The following ASB13 variants were observed in gnomAD, a reference collection of about 807,000 sequenced individuals.
The protein encoded by ASB13 is ankyrin repeat and SOCS box containing 13.
A neutral mutation model predicts 28.8 loss-of-function variants in ASB13; 33 were observed. The ratio of observed to expected loss-of-function variants is 1.15; its 90% confidence interval spans 0.87 to 1.53. ASB13 has a LOEUF of 1.53. Ranked by LOEUF, ASB13 falls within the 40% of genes most tolerant of loss-of-function variation. The pLI is 0.00. For synonymous variants in ASB13, 182 were observed against 172.9 expected (o/e 1.05, Z -0.41); for missense variants, 414 against 390.1 (o/e 1.06, Z -0.52).
rs1834851651 is a variant in ASB13, at chr10:5,644,394, G to A, written c.518-2433C>T. Among the ~76,000 whole-genome samples the A allele has an allele frequency of 6.6e-6, 1 of 152,188 alleles. No individual in the cohort carries two copies. Among genetic ancestry groups the A allele is most frequent in the South Asian group, 2.1e-4 (1 of 4,832 alleles). ...ATCTGTGGTCCCACCTACTCTGGAGGCTGAGGTAGGAGGATCACTTGAGCC... is the reference window on the plus strand; with the variant it reads ...ATCTGTGGTCCCACCTACTCTGGAGACTGAGGTAGGAGGATCACTTGAGCC... On this transcript the variant is annotated intron_variant, in intron 4 of 5. Coordinates refer to ENST00000357700, the MANE Select transcript of ASB13 (RefSeq NM_024701.4). The surrounding 1 kb of genome is among the most constrained non-coding windows in gnomAD (Gnocchi z 5.1).
At chr10:5,653,256 C>T (rs544914036) in intron 1 of ASB13, among the ~76,000 whole-genome samples, 7 of 152,322 alleles carry the variant, frequency 4.6e-5, no homozygotes, top group South Asian at 2.1e-4. Context: ...CAAGGGGCTC[C>T]GTCCTGTGGA....
intron 1 of ASB13, among the ~76,000 whole-genome samples, chr10:5,662,929 C>T (rs1056315609): frequency 1.3e-5 from 2 of 152,002 alleles, no homozygotes; most frequent in African/African-American, 2.4e-5. Context: ...GTCCTTGAAA[C>T]CCAAGGAAAA....
rs11257282 is a variant in ASB13 at position 5,656,522 on chromosome 10, G to A, written c.44-3472C>T. On this transcript the variant is annotated intron_variant, in intron 1 of 5. Coordinates refer to ENST00000357700, the MANE Select transcript of ASB13 (RefSeq NM_024701.4). This position sits in a 1 kb window ranked among gnomAD's most constrained non-coding sequence, Gnocchi z 4.3. ...CCATTGCATTCCAGCCTGGGCAACC[G>A]AGCAAGACTCCGTCTCAAGAAAAAA... Among the ~76,000 whole-genome samples the A allele has an allele frequency of 0.096, 14,240 of 147,906 alleles. 1,090 individuals carry two copies. Among genetic ancestry groups the A allele is most frequent in the East Asian group, 0.43 (2,200 of 5,082 alleles).
Position 5,650,206 on chromosome 10 carries a change from A to G in ASB13, c.382+1007T>C, listed in dbSNP as rs1834962882. On this transcript the variant is annotated intron_variant, in intron 3 of 5. Coordinates refer to ENST00000357700, the MANE Select transcript of ASB13 (RefSeq NM_024701.4). This position sits in a 1 kb window ranked among gnomAD's most constrained non-coding sequence, Gnocchi z 6.0. ...CCCACTCCACCAGCCTACTCTGAGC[A>G]CTGGGCACCTTGATCTCAGCGATGG... Among the ~76,000 whole-genome samples the G allele has an allele frequency of 6.6e-6, 1 of 152,128 alleles. No homozygotes were observed. The highest frequency in any genetic ancestry group is 1.5e-5 in the Non-Finnish European group (1 of 68,020).
In ASB13 at chr10:5,658,221, C is replaced by CA. The variant is rs1835101271; in HGVS notation, c.44-5172dup. Among the ~76,000 whole-genome samples the CA allele has an allele frequency of 6.6e-6, 1 of 152,024 alleles. No individual in the cohort carries two copies. Among genetic ancestry groups the CA allele is most frequent in the African/African-American group, 2.4e-5 (1 of 41,378 alleles). ...CAGTGGCTCAAAACTCTAATCCCAGCACTTTGGGAGGCCGAGGCAGGCAAT... is the reference window on the plus strand; with the variant it reads ...CAGTGGCTCAAAACTCTAATCCCAGCAACTTTGGGAGGCCGAGGCAGGCAAT... On this transcript the variant is annotated intron_variant, in intron 1 of 5. Transcript: ENST00000357700. The surrounding 1 kb of genome is among the most constrained non-coding windows in gnomAD (Gnocchi z 4.2).
At position 5,641,649 on chromosome 10, in the gene ASB13, G is replaced by A. The variant is rs1017126504; in HGVS notation, c.709+121C>T. 25 of 1,066,028 alleles carry A rather than the reference G, an allele frequency of 2.3e-5. No individual in the cohort carries two copies. Among genetic ancestry groups the A allele is most frequent in the African/African-American group, 1.6e-4 (10 of 62,802 alleles). 66.0% of individuals were successfully genotyped at this position (1,066,028 alleles called of 1,614,324 possible). A position where few individuals can be genotyped will look rare whatever the true frequency, so the allele number is the denominator to read the frequency against. On this transcript the variant is annotated intron_variant, in intron 5 of 5. Coordinates refer to ENST00000357700, the MANE Select transcript of ASB13 (RefSeq NM_024701.4). The surrounding 1 kb of genome is among the most constrained non-coding windows in gnomAD (Gnocchi z 8.4). Reference sequence around the variant, plus strand: ...AAAGTGCTTAAGGGTCTGTCCTAGCGCAGAGGACAGGAGCCAGGACTAACA... The same window carrying A: ...AAAGTGCTTAAGGGTCTGTCCTAGCACAGAGGACAGGAGCCAGGACTAACA...
rs140151394 is a variant in ASB13, at chr10:5,658,420, G to GAAA, written c.44-5373_44-5371dup. On this transcript the variant is annotated intron_variant, in intron 1 of 5. Transcript: ENST00000357700. This position sits in a 1 kb window ranked among gnomAD's most constrained non-coding sequence, Gnocchi z 4.2. Reference sequence around the variant, plus strand: ...CACTACGGCCTGGGTGACTTTGTCTGAAAAAAAAAAAAAAAACAAAACCAA... The same window carrying GAAA: ...CACTACGGCCTGGGTGACTTTGTCTGAAAAAAAAAAAAAAAAAAACAAAACCAA... Among the ~76,000 whole-genome samples, 8 of 131,678 alleles carry GAAA rather than the reference G, an allele frequency of 6.1e-5. No individual in the cohort carries two copies. The highest frequency in any genetic ancestry group is 2.5e-4 in the South Asian group (1 of 4,016). The allele number at this position is 131,678 out of a possible 152,430, so 86.4% of individuals were successfully genotyped here.
rs1184339659 is a variant in ASB13, at chr10:5,658,781, T to TG, written c.44-5732dup. Among the ~76,000 whole-genome samples the TG allele has an allele frequency of 6.6e-6, 1 of 152,106 alleles. No individual in the cohort carries two copies. Among genetic ancestry groups the TG allele is most frequent in the East Asian group, 1.9e-4 (1 of 5,178 alleles). On this transcript the variant is annotated intron_variant, in intron 1 of 5. Coordinates refer to ENST00000357700, the MANE Select transcript of ASB13 (RefSeq NM_024701.4). The surrounding 1 kb of genome is among the most constrained non-coding windows in gnomAD (Gnocchi z 4.2). ...ACCAGAAGCTGGAGGACCTAGAGCA[T>TG]GGGGGGACTGTCACCCGCAGGCTGT...
At position 5,665,339 on chromosome 10, in the gene ASB13, T is replaced by C. The variant is rs546275712; in HGVS notation, c.43+1170A>G. Among the ~76,000 whole-genome samples the C allele has an allele frequency of 1.2e-3, 179 of 152,304 alleles. No homozygotes were observed. The Middle Eastern group carries it at 0.024, about 20-fold the overall frequency. Reference sequence around the variant, plus strand: ...ATAAAAAACATCAGCAGAACTTATTTGGGGAGAAATATATTAAATAAAAAA... The same window carrying C: ...ATAAAAAACATCAGCAGAACTTATTCGGGGAGAAATATATTAAATAAAAAA... On this transcript the variant is annotated intron_variant, in intron 1 of 5. Transcript: ENST00000357700.
rs1281869467 is a variant in ASB13, at chr10:5,662,588, G to GAAGAGAA, written c.43+3914_43+3920dup. Among the ~76,000 whole-genome samples the GAAGAGAA allele has an allele frequency of 9.1e-4, 127 of 139,574 alleles. 3 individuals carry two copies. The highest frequency in any genetic ancestry group is 2.3e-3 in the African/African-American group (87 of 38,098). 91.6% of individuals were successfully genotyped at this position (139,574 alleles called of 152,430 possible). ...GGGGAGAAGAGAAGAGAAGAGAAGAGAAGAGAAGAGAAGAGAAGAGAAGAG... is the reference window on the plus strand; with the variant it reads ...GGGGAGAAGAGAAGAGAAGAGAAGAGAAGAGAAAAGAGAAGAGAAGAGAAGAGAAGAG... On this transcript the variant is annotated intron_variant, in intron 1 of 5. Coordinates refer to ENST00000357700, the MANE Select transcript of ASB13 (RefSeq NM_024701.4).
At chr10:5,648,342 C>T (rs966606727) in intron 4 of ASB13, among the ~76,000 whole-genome samples, 8 of 125,898 alleles carry the variant, frequency 6.4e-5, no homozygotes, top group Admixed American at 2.4e-4. Context: ...TAAACACCCA[C>T]GTGGGCAACA....
intron 4 of ASB13, among the ~76,000 whole-genome samples, chr10:5,648,199 GCAGGCAAACACCCACT>G (rs1834917390): frequency 7.9e-6 from 1 of 126,082 alleles, no homozygotes; most frequent in African/African-American, 3.1e-5. Flanking sequence ...AAACACCCAC[GCAGGCAAACACCCACT>G]CAGGTAAACA....
chr10:5,653,052 T>G lies in ASB13; in HGVS notation c.44-2A>C, dbSNP rs557916184. 7 of 1,538,480 alleles carry G rather than the reference T, an allele frequency of 4.5e-6. No homozygotes were observed. In the African/African-American group the frequency reaches 9.6e-5, roughly 21 times the overall value. On this transcript the variant is annotated splice_acceptor_variant, in intron 1 of 5. Coordinates refer to ENST00000357700, the MANE Select transcript of ASB13 (RefSeq NM_024701.4). LOFTEE classifies it high-confidence loss of function. ...CAGGGGTCCGCTCCACCCAGAAACCTGGAAAGGAAGGGGACCTCAGGCTAA... is the reference window on the plus strand; with the variant it reads ...CAGGGGTCCGCTCCACCCAGAAACCGGGAAAGGAAGGGGACCTCAGGCTAA...
Position 5,660,777 on chromosome 10 carries a change from T to C in ASB13, c.43+5732A>G, listed in dbSNP as rs910991655. Reference sequence around the variant, plus strand: ...CCCCAATCTTGCATTCCAGCTCCAGTAACTCAATCCTTACCTAAGTCGGGT... The same window carrying C: ...CCCCAATCTTGCATTCCAGCTCCAGCAACTCAATCCTTACCTAAGTCGGGT... On this transcript the variant is annotated intron_variant, in intron 1 of 5. Coordinates refer to ENST00000357700, the MANE Select transcript of ASB13 (RefSeq NM_024701.4). This position sits in a 1 kb window ranked among gnomAD's most constrained non-coding sequence, Gnocchi z 6.1. Among the ~76,000 whole-genome samples, 1 of 152,208 alleles carries C rather than the reference T, an allele frequency of 6.6e-6. No homozygotes were observed. Among genetic ancestry groups the C allele is most frequent in the Non-Finnish European group, 1.5e-5 (1 of 68,040 alleles).
chr10:5,652,080 G>A lies in ASB13; in HGVS notation c.232-717C>T, dbSNP rs962968926. On this transcript the variant is annotated intron_variant, in intron 2 of 5. Transcript: ENST00000357700. This position sits in a 1 kb window ranked among gnomAD's most constrained non-coding sequence, Gnocchi z 5.0. ...CACACACAAAACTCTAACCTCAATG[G>A]AAGGAATGCCTGAGACAGCTTACCA... Among the ~76,000 whole-genome samples the A allele has an allele frequency of 7.2e-6, 1 of 138,668 alleles. No homozygotes were observed. The highest frequency in any genetic ancestry group is 2.8e-5 in the African/African-American group (1 of 35,678). The allele number at this position is 138,668 out of a possible 152,430, so 91.0% of individuals were successfully genotyped here.
chr10:5,649,244 G>T lies in ASB13; in HGVS notation c.383-140C>A. ...AGGCAGGCCTGCGTCCCAACCTAGG[G>T]AGGAGTTCATGACCCGCATGGCCCT... On this transcript the variant is annotated intron_variant, in intron 3 of 5. Coordinates refer to ENST00000357700, the MANE Select transcript of ASB13 (RefSeq NM_024701.4). The surrounding 1 kb of genome is among the most constrained non-coding windows in gnomAD (Gnocchi z 6.4). 3 of 1,210,200 alleles carry T rather than the reference G, an allele frequency of 2.5e-6. No individual in the cohort carries two copies. The highest frequency in any genetic ancestry group is 2.8e-5 in the South Asian group (2 of 71,534). 75.0% of individuals were successfully genotyped at this position (1,210,200 alleles called of 1,614,324 possible). A position where few individuals can be genotyped will look rare whatever the true frequency, so the allele number is the denominator to read the frequency against.
Position 5,659,851 on chromosome 10 carries a change from C to T in ASB13, c.43+6658G>A, listed in dbSNP as rs1412437708. Among the ~76,000 whole-genome samples, 2 of 152,238 alleles carry T rather than the reference C, an allele frequency of 1.3e-5. No individual in the cohort carries two copies. The highest frequency in any genetic ancestry group is 2.4e-5 in the African/African-American group (1 of 41,468). On this transcript the variant is annotated intron_variant, in intron 1 of 5. Transcript: ENST00000357700. The surrounding 1 kb of genome is among the most constrained non-coding windows in gnomAD (Gnocchi z 5.8). Reference sequence around the variant, plus strand: ...CCCAGACGCATCTTCCCCTGCCAGACTGAACTTGGACCCCTGCCGCTAGGT... The same window carrying T: ...CCCAGACGCATCTTCCCCTGCCAGATTGAACTTGGACCCCTGCCGCTAGGT...
In ASB13 at chr10:5,659,275, T is replaced by C. The variant is rs535491207; in HGVS notation, c.44-6225A>G. Among the ~76,000 whole-genome samples the C allele has an allele frequency of 2.0e-5, 3 of 152,262 alleles. No homozygotes were observed. In the South Asian group the frequency reaches 6.2e-4, roughly 32 times the overall value. ...TGGCGAGTTCCCTCCGGGACTCACGTTCTGCCCCTAAATCCCACCCACTGC... is the reference window on the plus strand; with the variant it reads ...TGGCGAGTTCCCTCCGGGACTCACGCTCTGCCCCTAAATCCCACCCACTGC... On this transcript the variant is annotated intron_variant, in intron 1 of 5. Transcript: ENST00000357700. The surrounding 1 kb of genome is among the most constrained non-coding windows in gnomAD (Gnocchi z 5.8).
Position 5,651,544 on chromosome 10 carries a change from C to A in ASB13, c.232-181G>T, listed in dbSNP as rs968488904. On this transcript the variant is annotated intron_variant, in intron 2 of 5. Coordinates refer to ENST00000357700, the MANE Select transcript of ASB13 (RefSeq NM_024701.4). This position sits in a 1 kb window ranked among gnomAD's most constrained non-coding sequence, Gnocchi z 5.1. The stretch of plus-strand genomic sequence containing the variant: ...CGTGGCTGCGGAGCACCGACGGCCT[C>A]CTGAGTAGAGAAGTCATCTCGTTCA... 1 of 634,704 alleles carries A rather than the reference C, an allele frequency of 1.6e-6. No homozygotes were observed. Among genetic ancestry groups the A allele is most frequent in the African/African-American group, 1.9e-5 (1 of 53,798 alleles). 39.3% of individuals were successfully genotyped at this position (634,704 alleles called of 1,614,324 possible).
Sources: allele counts gnomAD v4.1 joint callset (sites outside exome capture counted in the v4.1 genomes callset), GRCh38; gene constraint gnomAD v4.1.1; non-coding constraint Gnocchi (gnomAD v3.1); transcripts MANE v1.5; gene names NCBI Gene and HGNC (gene_info 2026-07-23, HGNC 2026-07-21).